The following PPP1R21 variants were observed in gnomAD, a reference collection of about 807,000 sequenced individuals.
The protein encoded by PPP1R21 is protein phosphatase 1 regulatory subunit 21.
In PPP1R21, 85 loss-of-function variants were observed where a neutral mutation model predicts 112.8. The observed-to-expected ratio is 0.75, with a 90% confidence interval of 0.63 to 0.90. The LOEUF (loss-of-function observed/expected upper bound fraction) is 0.90. PPP1R21 is among the 40% of genes least tolerant of loss of function. The pLI is 0.00. For synonymous variants in PPP1R21, 381 were observed against 322.3 expected (o/e 1.18, Z -1.95); for missense variants, 1,199 against 901.5 (o/e 1.33, Z -4.23).
chr2:48,467,834 GCTGA>G (rs1668272492), intron 9 of PPP1R21, among the ~76,000 whole-genome samples: 1 of 152,222 alleles, frequency 6.6e-6, no homozygotes, highest in Non-Finnish European at 1.5e-5. Flanking sequence ...CATCTTAGAA[GCTGA>G]CTCTCACAGG....
rs891428747 is a variant in PPP1R21 at position 48,454,276 on chromosome 2, A to T, written c.127-319A>T. ...ACTCTGTCTCAAAAAATAAATAAAT[A>T]AATAAATAAATAAATCAAATAAGTT... is the stretch of plus-strand genomic sequence containing the variant. On this transcript the variant is annotated intron_variant, in intron 2 of 21. Transcript: ENST00000294952. Among the ~76,000 whole-genome samples the T allele has an allele frequency of 5.3e-5, 8 of 152,014 alleles. 1 individual carries two copies. Among genetic ancestry groups the T allele is most frequent in the Admixed American group, 3.3e-4 (5 of 15,256 alleles).
intron 3 of PPP1R21, among the ~76,000 whole-genome samples, chr2:48,455,087 C>G (rs1217858710): frequency 2.0e-5 from 3 of 152,038 alleles, no homozygotes; most frequent in East Asian, 1.9e-4. Context: ...ATCCACCTGC[C>G]TCGGCCTCCC....
chr2:48,498,583 A>G lies in PPP1R21; in HGVS notation c.1783A>G (p.Lys595Glu), dbSNP rs1669955637. 1 of 1,614,126 alleles carries G rather than the reference A, an allele frequency of 6.2e-7. No individual in the cohort carries two copies. Among genetic ancestry groups the G allele is most frequent in the Non-Finnish European group, 8.5e-7 (1 of 1,180,052 alleles). Residue 595 changes from lysine (K) to glutamate (E), a missense_variant, in exon 17 of 22, where the codon AAA becomes GAA. By Grantham distance (56) the Lys-to-Glu change is moderately conservative. Coordinates refer to ENST00000294952, the MANE Select transcript of PPP1R21 (RefSeq NM_001135629.3). ...EAQLAKIKLE[K>E]ENQRIADKLK... Reference sequence around the variant, plus strand: ...ACAATTAGCCAAAATCAAGCTAGAGAAAGAAAACCAGCGAATTGCAGATAA... The same window carrying G: ...ACAATTAGCCAAAATCAAGCTAGAGGAAGAAAACCAGCGAATTGCAGATAA...
At chr2:48,480,606 TTC>T (rs1211561162) in intron 13 of PPP1R21, among the ~76,000 whole-genome samples, 46 of 152,222 alleles carry the variant, frequency 3.0e-4, no homozygotes, top group Admixed American at 5.2e-4. Context: ...TAGCGTGTGA[TTC>T]TGAGTCCTGA....
intron 9 of PPP1R21, among the ~76,000 whole-genome samples, chr2:48,469,488 CATATATAT>C: frequency 2.2e-5 from 1 of 44,764 alleles, no homozygotes; most frequent in South Asian, 6.1e-4. Context: ...ATATATAGAG[CATATATAT>C]ATATATATAG....
In PPP1R21 at chr2:48,460,076, T is replaced by A. The variant is rs184137344; in HGVS notation, c.541-19T>A. On this transcript the variant is annotated intron_variant, in intron 5 of 21. Transcript: ENST00000294952. ...TCGTAGCCTGAGCCATCTGTGTTTC[T>A]TTTTCTTCTGAAATTCAGGTGAAAT... The A allele has an allele frequency of 5.4e-3, 8,663 of 1,613,920 alleles. 37 individuals are homozygous for A. Among genetic ancestry groups the A allele is most frequent in the Non-Finnish European group, 5.8e-3 (6,854 of 1,179,862 alleles).
At chr2:48,454,762 G>T in intron 3 of PPP1R21, 21 bp downstream of exon 3, 1 of 1,600,934 alleles carries the variant, frequency 6.2e-7, no homozygotes, top group Non-Finnish European at 8.6e-7. Flanking sequence ...ATACAGGCAA[G>T]TTAGTGTGAC....
chr2:48,469,111 A>C (rs971199798), intron 9 of PPP1R21, among the ~76,000 whole-genome samples: 1 of 151,534 alleles, frequency 6.6e-6, no homozygotes, highest in Admixed American at 6.6e-5. Context: ...AGACTTATCC[A>C]CTATCATGAG....
At chr2:48,452,167 A>G (rs569694171) in intron 2 of PPP1R21, among the ~76,000 whole-genome samples, 2 of 152,360 alleles carry the variant, frequency 1.3e-5, no homozygotes, top group Admixed American at 6.5e-5. Flanking sequence ...TGCTGGGGAA[A>G]GTCTTTCCTT....
At chr2:48,497,811 C>A (rs904548046) in intron 16 of PPP1R21, among the ~76,000 whole-genome samples, 1 of 152,080 alleles carries the variant, frequency 6.6e-6, no homozygotes, top group Non-Finnish European at 1.5e-5. Context: ...GCCGCCACAC[C>A]TGGCTAATTT....
intron 15 of PPP1R21, among the ~76,000 whole-genome samples, chr2:48,493,485 T>C (rs1413276658): frequency 1.3e-5 from 2 of 152,224 alleles, no homozygotes; most frequent in Non-Finnish European, 2.9e-5. Context: ...TGATCATTCT[T>C]AGCCAGGGTT....
chr2:48,514,599 T>G (rs1670790967), intron 21 of PPP1R21, 116 bp from the exon 22 acceptor site: 1 of 762,134 alleles, frequency 1.3e-6, no homozygotes, highest in East Asian at 2.6e-5. Context: ...TATTCTCCTT[T>G]TTGGAAGCTA....
Position 48,486,637 on chromosome 2 carries a change from C to G in PPP1R21, c.1325C>G (p.Ser442Cys). 10 of 1,609,006 alleles carry G rather than the reference C, an allele frequency of 6.2e-6. No individual in the cohort carries two copies. The highest frequency in any genetic ancestry group is 8.5e-6 in the Non-Finnish European group (10 of 1,175,840). Residue 442 changes from serine to cysteine, a missense_variant, in exon 14 of 22, where the codon TCC (serine) becomes TGC (cysteine). Physicochemically the swap from Ser to Cys is moderately radical, Grantham distance 112. Transcript: ENST00000294952. ...HGFHDVMKDI[S>C]KHYSQKAAIE... Reference sequence around the variant, plus strand: ...CATGTAATTGCTTTTATAGATATTTCCAAACATTATAGTCAAAAAGCTGCA... The same window carrying G: ...CATGTAATTGCTTTTATAGATATTTGCAAACATTATAGTCAAAAAGCTGCA...
At chr2:48,495,568 A>G (rs1307146306) in intron 15 of PPP1R21, 111 bp from the exon 16 acceptor site, 1 of 653,432 alleles carries the variant, frequency 1.5e-6, no homozygotes, top group Non-Finnish European at 2.8e-6. Flanking sequence ...CTGCTTTGAC[A>G]TACATCTGAA....
At chr2:48,442,883 T>G (rs1354499539) in intron 1 of PPP1R21, among the ~76,000 whole-genome samples, 1 of 152,090 alleles carries the variant, frequency 6.6e-6, no homozygotes, top group Non-Finnish European at 1.5e-5. Context: ...TTTTGAGTAA[T>G]GGAGAGATGC....
chr2:48,465,039 T>A (rs367955780), intron 8 of PPP1R21, 50 bp downstream of exon 8: 259 of 1,425,450 alleles, frequency 1.8e-4, no homozygotes, highest in Non-Finnish European at 2.4e-4. Flanking sequence ...TACATCAGAC[T>A]TTCCAGAAAC....
chr2:48,458,595 T>A (rs1451959858), intron 4 of PPP1R21, among the ~76,000 whole-genome samples: 2 of 149,626 alleles, frequency 1.3e-5, no homozygotes, highest in East Asian at 1.9e-4. Context: ...TTTTTTTTTT[T>A]AACTGATGTT....
At chr2:48,484,860 A>G (rs75220404) in intron 13 of PPP1R21, among the ~76,000 whole-genome samples, 11,146 of 152,312 alleles carry the variant, frequency 0.073, 585 homozygotes, top group Non-Finnish European at 0.11. Flanking sequence ...TCAAGCTACA[A>G]TAGCATTGTT....
chr2:48,463,834 G>T (rs192290476), intron 7 of PPP1R21, among the ~76,000 whole-genome samples: 81 of 151,994 alleles, frequency 5.3e-4, no homozygotes, highest in African/African-American at 1.8e-3. Context: ...GGTGGAGGGT[G>T]GGGAGTGTAA....
Sources: allele counts gnomAD v4.1 joint callset (sites outside exome capture counted in the v4.1 genomes callset), GRCh38; gene constraint gnomAD v4.1.1; transcripts MANE v1.5; gene names NCBI Gene and HGNC (gene_info 2026-07-23, HGNC 2026-07-21).